The following INPP4B variants were observed in gnomAD, a reference collection of about 807,000 sequenced individuals.
INPP4B encodes the protein inositol polyphosphate 4-phosphatase type II.
Under a neutral mutation model 122.5 loss-of-function variants are expected in INPP4B, and 55 were observed. That is an observed-to-expected ratio of 0.45 (90% CI 0.36 to 0.56). INPP4B has a LOEUF of 0.56. INPP4B is among the 20% of genes least tolerant of loss of function. The pLI is 0.00. For missense variants in INPP4B, 1,000 were observed against 1,097.7 expected, an observed-to-expected ratio of 0.91 and a Z score of 1.26; for synonymous variants, 403 against 388.7, an observed-to-expected ratio of 1.04 and a Z score of -0.43.
intron 1 of INPP4B, among the ~76,000 whole-genome samples, chr4:142,749,154 T>A (rs940251468): frequency 4.8e-5 from 7 of 147,204 alleles, no homozygotes; most frequent in East Asian, 2.0e-4. Context: ...TATATATATA[T>A]AAAATATATA....
chr4:142,563,029 C>T (rs1730806076), intron 2 of INPP4B, among the ~76,000 whole-genome samples: 1 of 152,140 alleles, frequency 6.6e-6, no homozygotes, highest in Non-Finnish European at 1.5e-5. Context: ...GGACATGCCC[C>T]TAAGATGGCT....
chr4:142,644,205 AAAAAT>A (rs540841626), intron 2 of INPP4B, among the ~76,000 whole-genome samples: 7 of 151,280 alleles, frequency 4.6e-5, no homozygotes, highest in South Asian at 2.1e-4. Context: ...GTCTCAAAAA[AAAAAT>A]AAAATAAAAT....
intron 5 of INPP4B, among the ~76,000 whole-genome samples, chr4:142,419,151 G>A (rs951863514): frequency 6.6e-6 from 1 of 152,028 alleles, no homozygotes; most frequent in African/African-American, 2.4e-5. Flanking sequence ...CAATATTTGG[G>A]GGGACAAAAG....
At chr4:142,450,145 C>A (rs1330633637) in intron 3 of INPP4B, among the ~76,000 whole-genome samples, 1 of 152,178 alleles carries the variant, frequency 6.6e-6, no homozygotes, top group Non-Finnish European at 1.5e-5. Context: ...CATCTTTGCT[C>A]TCCCCAGCCT....
intron 15 of INPP4B, among the ~76,000 whole-genome samples, chr4:142,178,678 G>A (rs928317958): frequency 3.9e-5 from 6 of 152,094 alleles, no homozygotes; most frequent in African/African-American, 1.4e-4. Context: ...AGACAGGGAA[G>A]GTGGGACATG....
At chr4:142,195,878 G>T (rs1837983353) in intron 14 of INPP4B, among the ~76,000 whole-genome samples, 1 of 152,106 alleles carries the variant, frequency 6.6e-6, no homozygotes, top group South Asian at 2.1e-4. Context: ...CAAGTGGCAG[G>T]CCCTGACACT....
chr4:142,030,313 A>G, intron 25 of INPP4B: 1 of 1,533,100 alleles, frequency 6.5e-7, no homozygotes, highest in African/African-American at 1.4e-5. Context: ...CTGTTAAATG[A>G]GGGGAAGTTG....
At chr4:142,033,586 G>A (rs759406130) in intron 25 of INPP4B, among the ~76,000 whole-genome samples, 7 of 151,486 alleles carry the variant, frequency 4.6e-5, no homozygotes, top group Non-Finnish European at 8.8e-5. Flanking sequence ...TTCATACATG[G>A]TTTTCCCTCC....
chr4:142,385,482 A>G (rs1306619646), intron 7 of INPP4B, among the ~76,000 whole-genome samples: 1 of 152,152 alleles, frequency 6.6e-6, no homozygotes, highest in African/African-American at 2.4e-5. Context: ...GTACCTAGTG[A>G]TTAGTTATAA....
Position 142,028,806 on chromosome 4 carries a change from C to T in INPP4B, c.2751G>A (p.Gly917=), listed in dbSNP as rs1166307109. Reference sequence around the variant, plus strand: ...CTTAGGTGTCAGCTTTTCCATAAGTCCCCTCTGGAGGTCTGTAGTACTTGG... The same window carrying T: ...CTTAGGTGTCAGCTTTTCCATAAGTTCCCTCTGGAGGTCTGTAGTACTTGG... ...AFPKYYRPPE[G]TYGKADT is the part of the protein sequence containing the mutation. The change falls in exon 26 of 26, where the codon GGG becomes GGA. Residue 917 remains glycine, a synonymous_variant. Transcript: ENST00000262992. The T allele has an allele frequency of 6.2e-7, 1 of 1,611,438 alleles. No individual in the cohort carries two copies.
chr4:142,842,821 A>G (rs1217498576), intron 1 of INPP4B, among the ~76,000 whole-genome samples: 2 of 134,918 alleles, frequency 1.5e-5, no homozygotes, highest in Admixed American at 8.2e-5. Context: ...TGTATGATAT[A>G]TATAAATTTA....
intron 1 of INPP4B, among the ~76,000 whole-genome samples, chr4:142,782,330 G>T (rs1478053284): frequency 6.7e-6 from 1 of 150,028 alleles, no homozygotes; most frequent in African/African-American, 2.4e-5. Flanking sequence ...TTTTATGGCT[G>T]CATAGTATTC....
At chr4:142,701,242 T>C (rs1761720835) in intron 2 of INPP4B, among the ~76,000 whole-genome samples, 1 of 152,072 alleles carries the variant, frequency 6.6e-6, no homozygotes, top group Non-Finnish European at 1.5e-5. Context: ...GGAGAGGATA[T>C]CCCACCCATT....
intron 2 of INPP4B, among the ~76,000 whole-genome samples, chr4:142,613,302 T>C (rs931582990): frequency 1.3e-5 from 2 of 152,228 alleles, no homozygotes; most frequent in Non-Finnish European, 2.9e-5. Context: ...CTGATACATA[T>C]AGATTTGTGA....
chr4:142,246,344 T>G (rs966670791), intron 11 of INPP4B, among the ~76,000 whole-genome samples: 1 of 152,166 alleles, frequency 6.6e-6, no homozygotes, highest in Admixed American at 6.5e-5. Context: ...AAGTCAATGG[T>G]AACTTGATGG....
At position 142,026,732 on chromosome 4, in the gene INPP4B, C is replaced by T. The variant is rs537783169; in HGVS notation, c.*2050G>A. 2.0e-5 allele frequency: 3 copies of T among 152,282 alleles called. No homozygotes were observed. The East Asian group carries it at 5.8e-4, about 29-fold the overall frequency. The allele number at this position is 152,282 out of a possible 1,614,324, so 9.4% of individuals were successfully genotyped here. A position where few individuals can be genotyped will look rare whatever the true frequency, so the allele number is the denominator to read the frequency against. On this transcript the variant is annotated 3_prime_UTR_variant, in exon 26 of 26. Transcript: ENST00000262992. Reference sequence around the variant, plus strand: ...TCTATCCACCTTGGCTCCCAAAGTGCTGGGATTACAGGAAATCCTTGAAAT... The same window carrying T: ...TCTATCCACCTTGGCTCCCAAAGTGTTGGGATTACAGGAAATCCTTGAAAT...
chr4:142,102,331 C>T (rs1216507636), intron 23 of INPP4B, among the ~76,000 whole-genome samples: 1 of 151,982 alleles, frequency 6.6e-6, no homozygotes, highest in African/African-American at 2.4e-5. Context: ...CCTTGACATG[C>T]ACTCACAGCT....
intron 2 of INPP4B, among the ~76,000 whole-genome samples, chr4:142,681,077 TGA>T (rs1450775907): frequency 6.6e-6 from 1 of 151,846 alleles, no homozygotes; most frequent in Admixed American, 6.6e-5. Flanking sequence ...CTGGGGCGGT[TGA>T]GTTTTCATTC....
At chr4:142,561,248 A>G (rs1730401010) in intron 2 of INPP4B, among the ~76,000 whole-genome samples, 1 of 152,210 alleles carries the variant, frequency 6.6e-6, no homozygotes, top group African/African-American at 2.4e-5. Context: ...TCTGTTATGG[A>G]AGAATAAAAT....
Sources: gnomAD v4.1 joint callset for allele counts (sites outside exome capture counted in the v4.1 genomes callset) on GRCh38, gnomAD v4.1.1 for gene constraint, MANE v1.5 for transcripts, NCBI Gene and HGNC (gene_info 2026-07-23, HGNC 2026-07-21) for gene names.